Variants in SNRPD3 observed in about 807,000 individuals in gnomAD.
SNRPD3 encodes the protein small nuclear ribonucleoprotein D3 polypeptide.
For synonymous variants in SNRPD3, 66 were observed against 58.4 expected (o/e 1.13, Z -0.59); for missense variants, 73 against 167.5 (o/e 0.44, Z 3.11).
chr22:24,557,739 C>T lies in SNRPD3; in HGVS notation c.65C>T (p.Thr22Met), dbSNP rs746219329. The part of the protein sequence containing the change: ...EAEGHIVTCE[T>M]NTGEVYRGKL... ...GAGGGCCACATTGTGACATGTGAGA[C>T]GAACACCGGTGAGGTATATCGGGGG... The change falls in exon 2 of 4, where the codon ACG becomes ATG. Residue 22 changes from threonine to methionine, a missense_variant. Thr to Met is a moderately conservative substitution (Grantham distance 81, BLOSUM62 -1). Coordinates refer to ENST00000215829, the MANE Select transcript of SNRPD3 (RefSeq NM_004175.5). 3.1e-6 allele frequency: 5 copies of T among 1,612,138 alleles called. No individual in the cohort carries two copies. Among genetic ancestry groups the T allele is most frequent in the Non-Finnish European group, 4.2e-6 (5 of 1,178,974 alleles).
chr22:24,572,466 CAT>C lies in SNRPD3; in HGVS notation c.*491_*492del, dbSNP rs1281137876. The C allele has an allele frequency of 7.3e-5, 21 of 287,322 alleles. No homozygotes were observed. Among genetic ancestry groups the C allele is most frequent in the Non-Finnish European group, 1.1e-4 (17 of 151,384 alleles). 17.8% of individuals were successfully genotyped at this position (287,322 alleles called of 1,614,324 possible). ...AGGTGACTCTTTCCCTTGATAAAGT[CAT>C]AGGTAATTCAGGGGCTGGGTGCGGC... On this transcript the variant is annotated 3_prime_UTR_variant, in exon 4 of 4. Transcript: ENST00000215829.
rs970582163 is a variant in SNRPD3 at position 24,573,840 on chromosome 22, C to G, written c.*1863C>G. ...AGGCTGCAGTGAGCTATAATTGCAC[C>G]ACTGCACTCCAGCCTGGATGACAGT... On this transcript the variant is annotated 3_prime_UTR_variant, in exon 4 of 4. Transcript: ENST00000215829. Among the ~76,000 whole-genome samples, 1 of 152,182 alleles carries G rather than the reference C, an allele frequency of 6.6e-6. No individual in the cohort carries two copies. The highest frequency in any genetic ancestry group is 1.5e-5 in the Non-Finnish European group (1 of 68,036).
chr22:24,560,340 T>C (rs1202703882), intron 2 of SNRPD3, among the ~76,000 whole-genome samples: 1 of 151,366 alleles, frequency 6.6e-6, no homozygotes, highest in Non-Finnish European at 1.5e-5. Context: ...GCCAGGCTGG[T>C]CTCGAACTCC....
rs369144630 is a variant in SNRPD3 at position 24,567,209 on chromosome 22, G to C, written c.127-775G>C. Among the ~76,000 whole-genome samples the C allele has an allele frequency of 1.4e-4, 21 of 152,304 alleles. No individual in the cohort carries two copies. In the East Asian group the frequency reaches 3.7e-3, roughly 27 times the overall value. On this transcript the variant is annotated intron_variant, in intron 2 of 3. Coordinates refer to ENST00000215829, the MANE Select transcript of SNRPD3 (RefSeq NM_004175.5). The stretch of plus-strand genomic sequence containing the variant: ...TCAGAACCACATCTGGTATATACTT[G>C]TGACCTTCATGGTGCCTTTGAAATC...
At chr22:24,558,554 G>T (rs1206335252) in intron 2 of SNRPD3, among the ~76,000 whole-genome samples, 1 of 152,198 alleles carries the variant, frequency 6.6e-6, no homozygotes, top group Non-Finnish European at 1.5e-5. Context: ...GTGGTATTAT[G>T]TTGGGTTCTT....
At chr22:24,560,483 C>T (rs1475577373) in intron 2 of SNRPD3, among the ~76,000 whole-genome samples, 3 of 114,684 alleles carry the variant, frequency 2.6e-5, no homozygotes, top group Non-Finnish European at 4.9e-5. Context: ...CTCACTCTGT[C>T]GCCCAGGCTG....
Position 24,572,151 on chromosome 22 carries a change from C to G in SNRPD3, c.*174C>G. 1.5e-6 allele frequency: 2 copies of G among 1,319,834 alleles called. No individual in the cohort carries two copies. Among genetic ancestry groups the G allele is most frequent in the Non-Finnish European group, 2.1e-6 (2 of 948,412 alleles). 81.8% of individuals were successfully genotyped at this position (1,319,834 alleles called of 1,614,324 possible). ...TTTTTGTTCTGTTTTGTTTTGTTTT[C>G]TTTGAGAAAATAAGGACTTTGTGTT... On this transcript the variant is annotated 3_prime_UTR_variant, in exon 4 of 4. Transcript: ENST00000215829.
rs766047558 is a variant in SNRPD3 at position 24,557,737 on chromosome 22, G to A, written c.63G>A (p.Glu21=). The part of the protein sequence containing the change: ...HEAEGHIVTC[E]TNTGEVYRGK... ...CCGAGGGCCACATTGTGACATGTGA[G>A]ACGAACACCGGTGAGGTATATCGGG... The change falls in exon 2 of 4, where the codon GAG becomes GAA. Residue 21 remains glutamate, a synonymous_variant. Coordinates refer to ENST00000215829, the MANE Select transcript of SNRPD3 (RefSeq NM_004175.5). The A allele has an allele frequency of 6.2e-7, 1 of 1,612,890 alleles. No individual in the cohort carries two copies. Among genetic ancestry groups the A allele is most frequent in the South Asian group, 1.1e-5 (1 of 90,828 alleles).
intron 2 of SNRPD3, among the ~76,000 whole-genome samples, chr22:24,563,380 T>C (rs1310262205): frequency 6.6e-6 from 1 of 151,846 alleles, no homozygotes; most frequent in Non-Finnish European, 1.5e-5. Flanking sequence ...ATGGTGCTTA[T>C]CGGGTCAGAG....
chr22:24,555,911 G>A, upstream of SNRPD3: 2 of 1,399,124 alleles, frequency 1.4e-6, no homozygotes, highest in Non-Finnish European at 1.9e-6. Flanking sequence ...GCGGAGGCGA[G>A]ACCGCGCTCA....
chr22:24,556,381 T>G (rs1361650081), intron 1 of SNRPD3, among the ~76,000 whole-genome samples: 3 of 151,906 alleles, frequency 2.0e-5, no homozygotes, highest in Non-Finnish European at 4.4e-5. Flanking sequence ...TTTTTGTTTT[T>G]TTTTTTTTAA....
rs1186548600 is a variant in SNRPD3 at position 24,572,821 on chromosome 22, TACA to T, written c.*849_*851del. 3 of 152,534 alleles carry T rather than the reference TACA, an allele frequency of 2.0e-5. No individual in the cohort carries two copies. The highest frequency in any genetic ancestry group is 7.2e-5 in the African/African-American group (3 of 41,522). The allele number at this position is 152,534 out of a possible 1,614,324, so 9.4% of individuals were successfully genotyped here. A position where few individuals can be genotyped will look rare whatever the true frequency, so the allele number is the denominator to read the frequency against. On this transcript the variant is annotated 3_prime_UTR_variant, in exon 4 of 4. Coordinates refer to ENST00000215829, the MANE Select transcript of SNRPD3 (RefSeq NM_004175.5). The stretch of plus-strand genomic sequence containing the variant: ...CAGCTTCCTTGGCTCGTATACTGGC[TACA>T]ACAAGTAGTTTTGTGGTGATTTGTG...
At chr22:24,568,313 C>T in intron 3 of SNRPD3, 137 bp downstream of exon 3, 1 of 620,058 alleles carries the variant, frequency 1.6e-6, no homozygotes, top group South Asian at 2.1e-5. Flanking sequence ...CCACCCCTTC[C>T]CCTTGCAGCG....
chr22:24,565,822 G>A (rs1031138276), intron 2 of SNRPD3, among the ~76,000 whole-genome samples: 1 of 151,894 alleles, frequency 6.6e-6, no homozygotes, highest in Non-Finnish European at 1.5e-5. Flanking sequence ...CACCACACCC[G>A]GCTAATTTTT....
chr22:24,558,050 C>A, intron 2 of SNRPD3: 1 of 308,426 alleles, frequency 3.2e-6, no homozygotes, highest in Non-Finnish European at 6.0e-6. Flanking sequence ...TTTTTCCATC[C>A]CCAAATATGG....
At chr22:24,569,193 C>T (rs778448864) in intron 3 of SNRPD3, among the ~76,000 whole-genome samples, 1 of 152,104 alleles carries the variant, frequency 6.6e-6, no homozygotes, top group African/African-American at 2.4e-5. Context: ...AGTGGAGCTC[C>T]GTTTTCAGAA....
At chr22:24,570,597 C>T (rs1249652900) in intron 3 of SNRPD3, among the ~76,000 whole-genome samples, 7 of 152,028 alleles carry the variant, frequency 4.6e-5, no homozygotes, top group East Asian at 2.0e-4. Context: ...GCAGGAGAAT[C>T]GCTTGAACCC....
At position 24,572,134 on chromosome 22, in the gene SNRPD3, C is replaced by CTGTTT. The variant is rs561047283; in HGVS notation, c.*169_*173dup. ...AAATAAATCTGGGGGGTTTTTTGTT[C>CTGTTT]TGTTTTGTTTTGTTTTCTTTGAGAA... On this transcript the variant is annotated 3_prime_UTR_variant, in exon 4 of 4. Coordinates refer to ENST00000215829, the MANE Select transcript of SNRPD3 (RefSeq NM_004175.5). 2 of 1,421,786 alleles carry CTGTTT rather than the reference C, an allele frequency of 1.4e-6. No homozygotes were observed. 88.1% of individuals were successfully genotyped at this position (1,421,786 alleles called of 1,614,324 possible).
chr22:24,563,285 T>G (rs1388756038), intron 2 of SNRPD3, among the ~76,000 whole-genome samples: 1 of 122,372 alleles, frequency 8.2e-6, no homozygotes, highest in African/African-American at 3.3e-5. Context: ...TATATGTGTG[T>G]GTGTGTGTAT....
Sources: allele counts gnomAD v4.1 joint callset (sites outside exome capture counted in the v4.1 genomes callset), GRCh38; gene constraint gnomAD v4.1.1; transcripts MANE v1.5; gene names NCBI Gene and HGNC (gene_info 2026-07-23, HGNC 2026-07-21).